The following KRT8 variants were observed in gnomAD, a reference collection of about 807,000 sequenced individuals.
KRT8 encodes the protein keratin, type II cytoskeletal 8.
Under a neutral mutation model 43.0 loss-of-function variants are expected in KRT8, and 24 were observed. The ratio of observed to expected loss-of-function variants is 0.56; its 90% confidence interval spans 0.40 to 0.78. The LOEUF (loss-of-function observed/expected upper bound fraction) is 0.78, where lower values mean the gene tolerates loss of function less well. Among genes scored for constraint, KRT8 ranks in the 30% least tolerant of loss-of-function variants. KRT8 has a pLI of 0.00. For synonymous variants in KRT8, 214 were observed against 261.2 expected (o/e 0.82, Z 1.74); for missense variants, 492 against 638.4 (o/e 0.77, Z 2.47).
chr12:52,927,480 G>T (rs1322113391), intron 2 of KRT8, among the ~76,000 whole-genome samples: 1 of 152,174 alleles, frequency 6.6e-6, no homozygotes, highest in Admixed American at 6.5e-5. Context: ...AGCTCTGTTT[G>T]TCCCAAACTA....
At chr12:52,914,925 ACT>A (rs1941705649) in intron 2 of KRT8, among the ~76,000 whole-genome samples, 1 of 152,040 alleles carries the variant, frequency 6.6e-6, no homozygotes, top group South Asian at 2.1e-4. Flanking sequence ...TCCAGGGCTG[ACT>A]CTCCAAGGCT....
At chr12:52,928,884 C>A (rs1349923733) in intron 2 of KRT8, among the ~76,000 whole-genome samples, 1 of 152,104 alleles carries the variant, frequency 6.6e-6, no homozygotes, top group Non-Finnish European at 1.5e-5. Context: ...CCAGCCTGGG[C>A]AACAAGAGTG....
At chr12:52,907,415 C>G (rs995639678), upstream of KRT8, among the ~76,000 whole-genome samples, 4 of 152,182 alleles carry the variant, frequency 2.6e-5, no homozygotes, top group Non-Finnish European at 5.9e-5. Flanking sequence ...TTCCCTCCCC[C>G]ACGCTGCTGT....
At chr12:52,901,617 A>C in intron 2 of KRT8, 1 of 592,170 alleles carries the variant, frequency 1.7e-6, no homozygotes, top group South Asian at 2.0e-5. Context: ...CCATGTCAAC[A>C]TTGACACATA....
chr12:52,916,926 T>G (rs1023272334), intron 2 of KRT8, among the ~76,000 whole-genome samples: 8 of 152,132 alleles, frequency 5.3e-5, no homozygotes, highest in African/African-American at 1.9e-4. Flanking sequence ...GTGCCAGCCC[T>G]GGAGAAGAGG....
intron 2 of KRT8, among the ~76,000 whole-genome samples, chr12:52,929,225 G>A (rs1387733477): frequency 8.2e-6 from 1 of 122,590 alleles, no homozygotes; most frequent in Non-Finnish European, 1.6e-5. Flanking sequence ...TCACTCATTC[G>A]CCCAGGCTAG....
intron 4 of KRT8, 88 bp from the exon 5 acceptor site, chr12:52,900,153 C>CAGGGGCAGCAGAGGAG: frequency 7.3e-7 from 1 of 1,361,924 alleles, no homozygotes. Flanking sequence ...GGGTATAAGA[C>CAGGGGCAGCAGAGGAG]AGGGGCAGCA....
chr12:52,928,513 G>A (rs74788132), intron 2 of KRT8, among the ~76,000 whole-genome samples: 3,602 of 152,130 alleles, frequency 0.024, 74 homozygotes, highest in Admixed American at 0.052. Flanking sequence ...TCATCAAATA[G>A]TATCTCTCCC....
At chr12:52,913,999 G>A (rs968287715) in intron 2 of KRT8, among the ~76,000 whole-genome samples, 1 of 152,184 alleles carries the variant, frequency 6.6e-6, no homozygotes, top group African/African-American at 2.4e-5. Flanking sequence ...AAGGCCAGCT[G>A]ATTACCTGAA....
chr12:52,945,126 C>T (rs1942324233), intron 2 of KRT8, among the ~76,000 whole-genome samples: 2 of 152,198 alleles, frequency 1.3e-5, no homozygotes, highest in South Asian at 4.1e-4. Flanking sequence ...GATTCCCATT[C>T]CACCCCAGAT....
intron 2 of KRT8, among the ~76,000 whole-genome samples, chr12:52,944,535 G>A (rs1408960840): frequency 6.6e-6 from 1 of 152,210 alleles, no homozygotes; most frequent in Non-Finnish European, 1.5e-5. Context: ...CAGCACCAGG[G>A]TCAGAATGGG....
At chr12:52,897,209 G>A (rs1941228043) in exon 8 of KRT8, 1 of 649,326 alleles carries the variant, frequency 1.5e-6, no homozygotes, top group African/African-American at 1.8e-5. Flanking sequence ...GCTAGCTGAG[G>A]TTTTATTTTG....
chr12:52,939,574 TA>T (rs1411201793), intron 2 of KRT8, among the ~76,000 whole-genome samples: 1 of 151,736 alleles, frequency 6.6e-6, no homozygotes, highest in African/African-American at 2.4e-5. Flanking sequence ...ATACAAAAAT[TA>T]GCCAGGCATG....
intron 2 of KRT8, among the ~76,000 whole-genome samples, chr12:52,935,206 C>T (rs1942147554): frequency 6.6e-6 from 1 of 151,174 alleles, no homozygotes; most frequent in Admixed American, 6.6e-5. Flanking sequence ...CACGGCAAAA[C>T]CCTGTCTCTA....
intron 2 of KRT8, among the ~76,000 whole-genome samples, chr12:52,924,441 T>C (rs1941950774): frequency 7.4e-6 from 1 of 134,884 alleles, no homozygotes. Context: ...AGAGGGAGAC[T>C]CCGTCTCAAA....
rs994182982 is a variant in KRT8 at position 52,898,312 on chromosome 12, A to G, written c.1261+149T>C. 23 of 684,916 alleles carry G rather than the reference A, an allele frequency of 3.4e-5. 1 individual carries two copies. Among genetic ancestry groups the G allele is most frequent in the African/African-American group, 1.2e-4 (7 of 56,184 alleles). The allele number at this position is 684,916 out of a possible 1,614,324, so 42.4% of individuals were successfully genotyped here. On this transcript the variant is annotated intron_variant, in intron 7 of 7. Coordinates refer to ENST00000692008, the Ensembl canonical transcript of KRT8. ...AATAAAGTTATTACTGGGGTCCTGA[A>G]TATGTGCCTCCCCACCCTAGGATTC...
upstream of KRT8, among the ~76,000 whole-genome samples, chr12:52,911,519 A>G (rs543801036): frequency 2.3e-4 from 35 of 152,324 alleles, 1 homozygote; most frequent in South Asian, 7.3e-3. Context: ...ACTTATTCCA[A>G]TACTGTAACA....
chr12:52,909,435 A>G (rs1941587795), upstream of KRT8, among the ~76,000 whole-genome samples: 1 of 152,276 alleles, frequency 6.6e-6, no homozygotes. Context: ...TACACCCCTC[A>G]GGAAGCAGCA....
At chr12:52,907,566 A>G (rs1037120331), upstream of KRT8, among the ~76,000 whole-genome samples, 1 of 152,170 alleles carries the variant, frequency 6.6e-6, no homozygotes, top group African/African-American at 2.4e-5. Context: ...CCCTTGTTTA[A>G]GGTGAGGACA....
Sources: gnomAD v4.1 joint callset for allele counts (sites outside exome capture counted in the v4.1 genomes callset) on GRCh38, gnomAD v4.1.1 for gene constraint, MANE v1.5 for transcripts, NCBI Gene and HGNC (gene_info 2026-07-23, HGNC 2026-07-21) for gene names.